The following CALD1 variants were observed in gnomAD, a reference collection of about 807,000 sequenced individuals.
CALD1 encodes the protein caldesmon 1.
CALD1 carries 33 observed loss-of-function variants against 99.9 expected under a neutral mutation model. The observed-to-expected ratio is 0.33, with a 90% CI of 0.25 to 0.44. The LOEUF (loss-of-function observed/expected upper bound fraction) is 0.44, where lower values mean the gene tolerates loss of function less well. Ranked by LOEUF, CALD1 falls within the 20% of genes least tolerant of loss-of-function variation. CALD1 has a pLI of 1.00. For missense variants in CALD1, 861 were observed against 962.1 expected (o/e 0.89, Z 1.39); for synonymous variants, 310 against 325.0 (o/e 0.95, Z 0.50).
At chr7:134,724,066 A>G in the CALD1 span, among the ~76,000 whole-genome samples, 1 of 152,364 alleles carries the variant, frequency 6.6e-6, no homozygotes, top group African/African-American at 2.4e-5. Context: ...ATGCGGCAGC[A>G]GGAGAATCTG....
In CALD1 at chr7:134,941,190, T is replaced by G. The variant is rs879199930; in HGVS notation, c.1485T>G (p.Asn495Lys). The stretch of plus-strand genomic sequence containing the variant: ...GATTTACAGAAGTTAAGTCGCAGAA[T>G]GGAGAATTCATGACCCACAAACTTA... ...KKGFTEVKSQ[N>K]GEFMTHKLKH... The change falls in exon 7 of 15, where the codon AAT becomes AAG. Residue 495 changes from asparagine to lysine, a missense_variant. Physicochemically the swap from Asn to Lys is moderately conservative, Grantham distance 94. Around this residue, in one of 5 missense-constraint regions of CALD1, gnomAD observed 293 missense variants for 262.7 expected, o/e 1.12. Transcript: ENST00000361675. The G allele has an allele frequency of 6.2e-7, 1 of 1,612,908 alleles. No homozygotes were observed. Among genetic ancestry groups the G allele is most frequent in the African/African-American group, 1.3e-5 (1 of 74,792 alleles).
intron 1 of CALD1, among the ~76,000 whole-genome samples, chr7:134,752,748 C>T (rs1313697371): frequency 6.6e-6 from 1 of 152,116 alleles, no homozygotes; most frequent in East Asian, 1.9e-4. Flanking sequence ...CACCTGTAAT[C>T]CCAGCACTTT....
chr7:134,812,055 G>A (rs1482007339), intron 1 of CALD1, among the ~76,000 whole-genome samples: 1 of 152,198 alleles, frequency 6.6e-6, no homozygotes, highest in African/African-American at 2.4e-5. Context: ...ACATATTTAT[G>A]TTTAAGGGAC....
the CALD1 span, among the ~76,000 whole-genome samples, chr7:134,719,849 C>G: frequency 6.6e-6 from 1 of 152,094 alleles, no homozygotes; most frequent in Non-Finnish European, 1.5e-5. Context: ...GTTCAAATCC[C>G]GAAATGTTCA....
At chr7:134,826,490 C>T (rs747419553) in intron 1 of CALD1, among the ~76,000 whole-genome samples, 7 of 152,142 alleles carry the variant, frequency 4.6e-5, no homozygotes, top group Admixed American at 2.0e-4. Context: ...CAACTTTTTA[C>T]AGTTTAGGAG....
intron 2 of CALD1, among the ~76,000 whole-genome samples, chr7:134,850,996 T>A (rs774053963): frequency 6.6e-6 from 1 of 152,212 alleles, no homozygotes; most frequent in Non-Finnish European, 1.5e-5. Context: ...CCTTCCACCA[T>A]GATTGTGAGG....
chr7:134,855,071 C>T (rs1442613211), intron 2 of CALD1, among the ~76,000 whole-genome samples: 2 of 152,190 alleles, frequency 1.3e-5, no homozygotes, highest in African/African-American at 4.8e-5. Context: ...CTGAGGCCTC[C>T]CCAGCCATGT....
chr7:134,820,830 A>G (rs1798745531), intron 1 of CALD1, among the ~76,000 whole-genome samples: 1 of 152,212 alleles, frequency 6.6e-6, no homozygotes, highest in Non-Finnish European at 1.5e-5. Flanking sequence ...TTCAAAATAT[A>G]TATTAGCATT....
At chr7:134,793,324 C>T (rs553637557) in intron 1 of CALD1, among the ~76,000 whole-genome samples, 2 of 152,306 alleles carry the variant, frequency 1.3e-5, no homozygotes, top group East Asian at 1.9e-4. Context: ...CACATATTTG[C>T]GCTCTGAATC....
At chr7:134,726,337 C>A in the CALD1 span, among the ~76,000 whole-genome samples, 2 of 146,478 alleles carry the variant, frequency 1.4e-5, no homozygotes, top group African/African-American at 5.0e-5. Context: ...CATATATAAT[C>A]TTAATTGATC....
At chr7:134,814,019 A>G (rs989288778) in intron 1 of CALD1, among the ~76,000 whole-genome samples, 2 of 152,198 alleles carry the variant, frequency 1.3e-5, no homozygotes, top group Non-Finnish European at 2.9e-5. Context: ...GAATTATGGC[A>G]GAAGTAGCAT....
intron 1 of CALD1, among the ~76,000 whole-genome samples, chr7:134,766,141 C>CTTTTTTTTTTTTTT (rs71172475): frequency 5.6e-5 from 4 of 70,802 alleles, no homozygotes; most frequent in Non-Finnish European, 8.1e-5. Flanking sequence ...CTTTTCTTTT[C>CTTTTTTTTTTTTTT]TTTTTTTTTT....
the CALD1 span, among the ~76,000 whole-genome samples, chr7:134,720,000 T>TG: frequency 0.43 from 65,037 of 151,924 alleles, 15,629 homozygotes; most frequent in African/African-American, 0.66. Flanking sequence ...GAATAAAAGC[T>TG]GGGTTTCTTA....
chr7:134,810,216 T>C (rs1447932374), intron 1 of CALD1, among the ~76,000 whole-genome samples: 1 of 152,184 alleles, frequency 6.6e-6, no homozygotes, highest in Non-Finnish European at 1.5e-5. Context: ...TTTCAGTGAA[T>C]TGACTTAAAT....
intron 1 of CALD1, among the ~76,000 whole-genome samples, chr7:134,826,511 CAG>C (rs959394565): frequency 2.6e-5 from 4 of 152,114 alleles, no homozygotes; most frequent in African/African-American, 9.7e-5. Context: ...ACCCAATTTG[CAG>C]AGTTTGTGAC....
At chr7:134,831,405 C>A (rs1039076747) in intron 1 of CALD1, among the ~76,000 whole-genome samples, 2 of 151,946 alleles carry the variant, frequency 1.3e-5, no homozygotes, top group African/African-American at 4.8e-5. Context: ...CTGCAACCTC[C>A]GCCTCCTAGG....
In CALD1 at chr7:134,960,591, C is replaced by T; in HGVS notation, c.2258C>T (p.Thr753Ile). ...SSRINEWLTK[T>I]PDGNKSPAPK... The stretch of plus-strand genomic sequence containing the variant: ...CGCATCAATGAATGGCTAACTAAAA[C>T]CCCAGATGGAAACAAGTCACCTGCT... Residue 753 changes from threonine to isoleucine, a missense_variant, in exon 13 of 15, where the codon ACC becomes ATC. By Grantham distance (89) the Thr-to-Ile change is moderately conservative (BLOSUM62 -1). Transcript: ENST00000361675. 1 of 1,613,410 alleles carries T rather than the reference C, an allele frequency of 6.2e-7. No homozygotes were observed. Among genetic ancestry groups the T allele is most frequent in the African/African-American group, 1.3e-5 (1 of 74,978 alleles).
intron 1 of CALD1, among the ~76,000 whole-genome samples, chr7:134,759,914 T>C (rs987266704): frequency 6.6e-6 from 1 of 152,226 alleles, no homozygotes; most frequent in African/African-American, 2.4e-5. Flanking sequence ...ATAAGCAATG[T>C]GGCAGGATGG....
chr7:134,713,990 T>C, the CALD1 span, among the ~76,000 whole-genome samples: 4 of 152,120 alleles, frequency 2.6e-5, no homozygotes, highest in African/African-American at 9.7e-5. Context: ...ATTTCCCCTT[T>C]GGTGCTGTTC....
Sources: gnomAD v4.1 joint callset for allele counts (sites outside exome capture counted in the v4.1 genomes callset) on GRCh38, gnomAD v4.1.1 for gene constraint, gnomAD v4.1.1 regional missense constraint, MANE v1.5 for transcripts, NCBI Gene and HGNC (gene_info 2026-07-23, HGNC 2026-07-21) for gene names.